Variants in TANGO6 observed in about 807,000 individuals in gnomAD.
TANGO6 encodes transport and golgi organization 6 homolog, also known as transport and Golgi organization protein 6 homolog.
TANGO6 carries 90 observed loss-of-function variants against 114.2 expected under a neutral mutation model. That is an observed-to-expected ratio of 0.79 (90% CI 0.66 to 0.94). TANGO6 has a LOEUF of 0.94. TANGO6 is among the 40% of genes least tolerant of loss of function. The pLI is 0.00. For synonymous variants in TANGO6, 477 were observed against 509.8 expected, an observed-to-expected ratio of 0.94 and a Z score of 0.87; for missense variants, 1,274 against 1,315.3, an observed-to-expected ratio of 0.97 and a Z score of 0.49.
intron 7 of TANGO6, among the ~76,000 whole-genome samples, chr16:68,896,594 C>A (rs748701184): frequency 5.9e-5 from 9 of 152,084 alleles, no homozygotes; most frequent in Non-Finnish European, 1.3e-4. Context: ...TAGGCATGAG[C>A]CACTGCACCC....
chr16:68,945,382 T>A (rs1350029547), intron 14 of TANGO6, among the ~76,000 whole-genome samples: 2 of 152,142 alleles, frequency 1.3e-5, no homozygotes, highest in African/African-American at 2.4e-5. Context: ...TATTTTTTTT[T>A]AATTTCTTGG....
intron 7 of TANGO6, among the ~76,000 whole-genome samples, chr16:68,884,792 C>T (rs896709044): frequency 5.3e-5 from 8 of 152,162 alleles, no homozygotes; most frequent in African/African-American, 1.4e-4. Flanking sequence ...AATAATGAAT[C>T]CTGCCATTTC....
intron 17 of TANGO6, among the ~76,000 whole-genome samples, chr16:69,077,162 C>T (rs779210250): frequency 1.2e-4 from 18 of 152,046 alleles, no homozygotes; most frequent in Non-Finnish European, 2.1e-4. Flanking sequence ...CAGCCTTAGC[C>T]TCCAAGCCCT....
At chr16:69,024,600 A>G (rs990544785) in intron 16 of TANGO6, among the ~76,000 whole-genome samples, 1 of 152,064 alleles carries the variant, frequency 6.6e-6, no homozygotes, top group Non-Finnish European at 1.5e-5. Context: ...TTTGCCTTGT[A>G]TTTATGTACT....
chr16:69,078,671 T>C (rs560588271), intron 17 of TANGO6, among the ~76,000 whole-genome samples: 1 of 152,198 alleles, frequency 6.6e-6, no homozygotes. Context: ...ATGTTTCCAT[T>C]GTTAAATGGC....
intron 14 of TANGO6, among the ~76,000 whole-genome samples, chr16:68,939,812 T>A (rs1034832654): frequency 2.6e-5 from 4 of 152,208 alleles, no homozygotes; most frequent in African/African-American, 9.6e-5. Flanking sequence ...TACATGATTT[T>A]TAAAATAATT....
intron 17 of TANGO6, among the ~76,000 whole-genome samples, chr16:69,047,315 C>A (rs745919573): frequency 6.6e-6 from 1 of 151,976 alleles, no homozygotes; most frequent in South Asian, 2.1e-4. Context: ...GCCAACATGG[C>A]GAAACCCTAT....
chr16:68,868,809 C>T (rs1369134833), intron 4 of TANGO6, among the ~76,000 whole-genome samples: 1 of 152,060 alleles, frequency 6.6e-6, no homozygotes, highest in African/African-American at 2.4e-5. Context: ...ATATTTCTAA[C>T]TAATATATGG....
intron 14 of TANGO6, chr16:68,973,074 TG>T: frequency 2.2e-6 from 1 of 454,770 alleles, no homozygotes; most frequent in Non-Finnish European, 4.4e-6. Flanking sequence ...CTGAGGGGTC[TG>T]GGCAGAAGCA....
intron 17 of TANGO6, among the ~76,000 whole-genome samples, chr16:69,061,909 G>A (rs1402908516): frequency 5.3e-5 from 8 of 151,604 alleles, no homozygotes; most frequent in South Asian, 2.1e-4. Context: ...GTCCCAGCTA[G>A]TCAGGAGGCT....
At chr16:68,855,881 CAA>C (rs749736878) in intron 1 of TANGO6, among the ~76,000 whole-genome samples, 10 of 87,660 alleles carry the variant, frequency 1.1e-4, no homozygotes, top group Admixed American at 1.3e-4. Context: ...GACTCAGTCT[CAA>C]AAAAAAAAAA....
chr16:68,918,944 A>G lies in TANGO6; in HGVS notation c.1993-141A>G, dbSNP rs1963050071. ...AAAAAACACTGAACATCACATCTGC[A>G]TGGTAAGTAGCAGTTGTTCTGGATG... On this transcript the variant is annotated intron_variant, in intron 11 of 17. Coordinates refer to ENST00000261778, the MANE Select transcript of TANGO6 (RefSeq NM_024562.2). 5 of 965,088 alleles carry G rather than the reference A, an allele frequency of 5.2e-6. No individual in the cohort carries two copies. The South Asian group carries it at 5.5e-5, about 11-fold the overall frequency. The allele number at this position is 965,088 out of a possible 1,614,324, so 59.8% of individuals were successfully genotyped here.
At chr16:69,030,211 G>A (rs1050327738) in intron 16 of TANGO6, among the ~76,000 whole-genome samples, 1 of 151,940 alleles carries the variant, frequency 6.6e-6, no homozygotes, top group Non-Finnish European at 1.5e-5. Flanking sequence ...GTTAGGGGCT[G>A]AGGATACAAA....
chr16:68,958,009 T>C (rs1212252093), intron 14 of TANGO6, among the ~76,000 whole-genome samples: 1 of 151,170 alleles, frequency 6.6e-6, no homozygotes, highest in East Asian at 2.0e-4. Flanking sequence ...CCGTTTCCAC[T>C]AAAAATACAA....
intron 14 of TANGO6, among the ~76,000 whole-genome samples, chr16:68,942,150 C>T (rs919102816): frequency 6.6e-6 from 1 of 151,848 alleles, no homozygotes; most frequent in African/African-American, 2.4e-5. Context: ...GCCAACATGG[C>T]GAAACCCCAT....
intron 15 of TANGO6, among the ~76,000 whole-genome samples, chr16:68,988,506 GA>G (rs1231925019): frequency 1.3e-5 from 2 of 152,078 alleles, no homozygotes; most frequent in Non-Finnish European, 2.9e-5. Flanking sequence ...TAACTTTTAT[GA>G]AGCCCATTTT....
chr16:68,921,196 T>C (rs1019290526), intron 12 of TANGO6, among the ~76,000 whole-genome samples: 3 of 151,302 alleles, frequency 2.0e-5, no homozygotes, highest in African/African-American at 4.8e-5. Context: ...TTTCTTTTTT[T>C]TTTTCAGACA....
intron 16 of TANGO6, among the ~76,000 whole-genome samples, chr16:69,027,302 A>G (rs187193575): frequency 6.6e-6 from 1 of 152,298 alleles, no homozygotes; most frequent in African/African-American, 2.4e-5. Context: ...ATTTGGTTAT[A>G]AGGGCTACTC....
intron 1 of TANGO6, among the ~76,000 whole-genome samples, chr16:68,856,758 T>C (rs1293171560): frequency 6.6e-6 from 1 of 152,216 alleles, no homozygotes; most frequent in Non-Finnish European, 1.5e-5. Context: ...GACAAATGCA[T>C]AATATCATAT....
Sources: gnomAD v4.1 joint callset for allele counts (sites outside exome capture counted in the v4.1 genomes callset) on GRCh38, gnomAD v4.1.1 for gene constraint, MANE v1.5 for transcripts, NCBI Gene and HGNC (gene_info 2026-07-23, HGNC 2026-07-21) for gene names.